CTNNA1: variants seen among roughly 807,000 people sequenced by gnomAD.
CTNNA1 encodes the protein catenin alpha-1.
Under a neutral mutation model 98.4 loss-of-function variants are expected in CTNNA1, and 37 were observed. The observed-to-expected ratio is 0.38, with a 90% CI of 0.29 to 0.49. The LOEUF is 0.49. CTNNA1 is among the 20% of genes least tolerant of loss of function. CTNNA1 has a pLI of 0.95. For synonymous variants in CTNNA1, 404 were observed against 413.2 expected, an observed-to-expected ratio of 0.98 and a Z score of 0.27; for missense variants, 761 against 1,147.2, an observed-to-expected ratio of 0.66 and a Z score of 4.86.
chr5:138,868,494 A>G (rs1003557961), intron 7 of CTNNA1, among the ~76,000 whole-genome samples: 1 of 152,144 alleles, frequency 6.6e-6, no homozygotes, highest in African/African-American at 2.4e-5. Flanking sequence ...CCAACCCCCA[A>G]GGTAGAGGCC....
intron 10 of CTNNA1, among the ~76,000 whole-genome samples, chr5:138,905,793 A>G (rs1580706723): frequency 6.6e-6 from 1 of 152,234 alleles, no homozygotes; most frequent in Admixed American, 6.5e-5. Context: ...TCTAAGGAGT[A>G]TAAGTGATGA....
intron 7 of CTNNA1, among the ~76,000 whole-genome samples, chr5:138,864,515 C>T (rs1018903459): frequency 5.3e-5 from 8 of 152,124 alleles, no homozygotes; most frequent in African/African-American, 9.7e-5. Context: ...AGACCACCAA[C>T]GAGAAGAAGG....
intron 7 of CTNNA1, among the ~76,000 whole-genome samples, chr5:138,855,881 A>C (rs1428164880): frequency 6.6e-6 from 1 of 152,186 alleles, no homozygotes; most frequent in Non-Finnish European, 1.5e-5. Flanking sequence ...TGTGAAAAGA[A>C]ATGTATGTTA....
At chr5:138,791,615 CAAA>C (rs1181055311) in intron 3 of CTNNA1, among the ~76,000 whole-genome samples, 6 of 40,310 alleles carry the variant, frequency 1.5e-4, no homozygotes, top group Admixed American at 4.3e-4. Flanking sequence ...GACTCCGTCT[CAAA>C]AAAAAAAAAA....
chr5:138,890,753 C>A (rs1010603417), intron 9 of CTNNA1, among the ~76,000 whole-genome samples: 1 of 152,174 alleles, frequency 6.6e-6, no homozygotes, highest in Non-Finnish European at 1.5e-5. Flanking sequence ...CTGAAAGCCC[C>A]AGTCCTCTAA....
intron 3 of CTNNA1, among the ~76,000 whole-genome samples, chr5:138,803,124 G>A (rs958898343): frequency 2.0e-5 from 3 of 151,380 alleles, no homozygotes; most frequent in Non-Finnish European, 2.9e-5. Context: ...AATTCCTTTA[G>A]TAGCCCTTGC....
At chr5:138,775,003 C>T (rs540933363) in intron 1 of CTNNA1, among the ~76,000 whole-genome samples, 1 of 152,028 alleles carries the variant, frequency 6.6e-6, no homozygotes, top group East Asian at 1.9e-4. Flanking sequence ...GTTTTTTGTT[C>T]AAGAAAAAAA....
At chr5:138,794,661 A>T (rs1229674381) in intron 3 of CTNNA1, among the ~76,000 whole-genome samples, 1 of 152,186 alleles carries the variant, frequency 6.6e-6, no homozygotes, top group African/African-American at 2.4e-5. Context: ...TTGCATCTAT[A>T]TTGACAAGTG....
rs77848830 is a variant in CTNNA1 at position 138,814,515 on chromosome 5, C to T, written c.588+2213C>T. Among the ~76,000 whole-genome samples, 204 of 152,146 alleles carry T rather than the reference C, an allele frequency of 1.3e-3. 4 individuals carry two copies. In the East Asian group the frequency reaches 0.033, roughly 24 times the overall value. On this transcript the variant is annotated intron_variant, in intron 5 of 17. Coordinates refer to ENST00000302763, the MANE Select transcript of CTNNA1 (RefSeq NM_001903.5). ...TGGTAATCCTATAAATGTGGCAAGC[C>T]GGCCAAATTACATTCACAATTTATT...
At chr5:138,825,888 T>C (rs1760669062) in intron 6 of CTNNA1, among the ~76,000 whole-genome samples, 2 of 152,104 alleles carry the variant, frequency 1.3e-5, no homozygotes, top group African/African-American at 2.4e-5. Context: ...ATGTTGTTTT[T>C]CCCCCCTTCA....
intron 3 of CTNNA1, among the ~76,000 whole-genome samples, chr5:138,789,047 T>C (rs1756037227): frequency 6.6e-6 from 1 of 152,190 alleles, no homozygotes; most frequent in South Asian, 2.1e-4. Flanking sequence ...AAATAGATTA[T>C]TCGTGCACTG....
rs552748874 is a variant in CTNNA1 at position 138,793,947 on chromosome 5, G to T, written c.301+10575G>T. Among the ~76,000 whole-genome samples, 8 of 151,404 alleles carry T rather than the reference G, an allele frequency of 5.3e-5. No homozygotes were observed. The East Asian group carries it at 1.6e-3, about 29-fold the overall frequency. On this transcript the variant is annotated intron_variant, in intron 3 of 17. Coordinates refer to ENST00000302763, the MANE Select transcript of CTNNA1 (RefSeq NM_001903.5). ...GGAAGTTAAGAGGTTTTCTAGGCTT[G>T]CTCTGATTCAGATGGGCTTATAGTA...
intron 10 of CTNNA1, among the ~76,000 whole-genome samples, chr5:138,910,964 C>G (rs921865056): frequency 6.6e-6 from 1 of 152,176 alleles, no homozygotes; most frequent in Non-Finnish European, 1.5e-5. Context: ...CTCGGCCATG[C>G]GCAGTGCCTT....
intron 13 of CTNNA1, among the ~76,000 whole-genome samples, chr5:138,925,966 T>C (rs528041099): frequency 1.2e-4 from 18 of 152,264 alleles, no homozygotes; most frequent in Non-Finnish European, 2.1e-4. Flanking sequence ...CATCTGTGAT[T>C]GAGCTCCCGG....
intron 7 of CTNNA1, among the ~76,000 whole-genome samples, chr5:138,829,330 G>A (rs1426149850): frequency 6.6e-6 from 1 of 152,136 alleles, no homozygotes; most frequent in African/African-American, 2.4e-5. Context: ...CTTAAACAGG[G>A]GAACAAAAAC....
At chr5:138,781,814 A>G in intron 1 of CTNNA1, 109 bp from the exon 2 acceptor site, 2 of 958,996 alleles carry the variant, frequency 2.1e-6, no homozygotes, top group South Asian at 1.9e-5. Context: ...TTTCATCTAT[A>G]GTGAATATAG....
intron 7 of CTNNA1, among the ~76,000 whole-genome samples, chr5:138,866,450 A>G (rs1214073098): frequency 6.6e-6 from 1 of 152,050 alleles, no homozygotes; most frequent in Non-Finnish European, 1.5e-5. Context: ...TTTTTGGTAA[A>G]ATCTTGATGA....
At chr5:138,816,535 A>ATT (rs916062836) in intron 5 of CTNNA1, among the ~76,000 whole-genome samples, 8 of 151,882 alleles carry the variant, frequency 5.3e-5, no homozygotes, top group Admixed American at 4.6e-4. Context: ...TCCCACCAGC[A>ATT]TTTTTTTTCC....
chr5:138,926,301 A>G (rs10155636), intron 13 of CTNNA1, among the ~76,000 whole-genome samples: 39,454 of 152,062 alleles, frequency 0.26, 5,385 homozygotes, highest in Middle Eastern at 0.32. Flanking sequence ...CCATAGTTGA[A>G]TATACTCACT....
Sources: gnomAD v4.1 joint callset for allele counts (sites outside exome capture counted in the v4.1 genomes callset) on GRCh38, gnomAD v4.1.1 for gene constraint, MANE v1.5 for transcripts, NCBI Gene and HGNC (gene_info 2026-07-23, HGNC 2026-07-21) for gene names.